Variants in CFAP61 observed in about 807,000 individuals in gnomAD.
The protein encoded by CFAP61 is cilia and flagella associated protein 61.
CFAP61 carries 107 observed loss-of-function variants against 135.6 expected under a neutral mutation model. The ratio of observed to expected loss-of-function variants is 0.79; its 90% CI spans 0.67 to 0.93. CFAP61 has a LOEUF of 0.93. Ranked by LOEUF, CFAP61 falls within the 40% of genes least tolerant of loss-of-function variation. The pLI is 0.00. For synonymous variants in CFAP61, 575 were observed against 578.5 expected (o/e 0.99, Z 0.09); for missense variants, 1,507 against 1,556.2 (o/e 0.97, Z 0.53).
At chr20:20,103,267 A>C (rs954234271) in intron 8 of CFAP61, among the ~76,000 whole-genome samples, 2 of 152,202 alleles carry the variant, frequency 1.3e-5, no homozygotes, top group Non-Finnish European at 2.9e-5. Flanking sequence ...AACTGTGTAC[A>C]ATCAATTTGT....
At chr20:20,191,787 C>T (rs200181368) in intron 15 of CFAP61, among the ~76,000 whole-genome samples, 4 of 151,042 alleles carry the variant, frequency 2.6e-5, no homozygotes, top group East Asian at 1.9e-4. Flanking sequence ...TTACATATAT[C>T]GTGTGTGTGT....
At chr20:20,097,339 A>G (rs1028632162) in intron 7 of CFAP61, among the ~76,000 whole-genome samples, 7 of 152,214 alleles carry the variant, frequency 4.6e-5, no homozygotes, top group African/African-American at 1.7e-4. Context: ...GAGCTATCAG[A>G]GTCTAATCAG....
intron 24 of CFAP61, among the ~76,000 whole-genome samples, chr20:20,295,728 T>G (rs1050707118): frequency 6.6e-6 from 1 of 152,060 alleles, no homozygotes; most frequent in African/African-American, 2.4e-5. Flanking sequence ...CAGGGGTTAT[T>G]CTGTGAGGTC....
rs149965357 is a variant in CFAP61 at position 20,086,641 on chromosome 20, G to A, written c.567-4203G>A. Reference sequence around the variant, plus strand: ...GGGCATAAAAATTCTGCCCTTCACTGCTGTCAGTGTAAATGGGACCCTTGG... The same window carrying A: ...GGGCATAAAAATTCTGCCCTTCACTACTGTCAGTGTAAATGGGACCCTTGG... On this transcript the variant is annotated intron_variant, in intron 6 of 26. Coordinates refer to ENST00000245957, the MANE Select transcript of CFAP61 (RefSeq NM_015585.4). Among the ~76,000 whole-genome samples, 824 of 152,224 alleles carry A rather than the reference G, an allele frequency of 5.4e-3. 9 individuals carry two copies. Among genetic ancestry groups the A allele is most frequent in the African/African-American group, 0.019 (780 of 41,512 alleles).
intron 7 of CFAP61, among the ~76,000 whole-genome samples, chr20:20,097,070 C>T (rs8121212): frequency 0.018 from 2,602 of 148,570 alleles, 60 homozygotes; most frequent in Middle Eastern, 0.065. Context: ...GAGACATATT[C>T]GAGAACAAAT....
chr20:20,151,785 G>T lies in CFAP61; in HGVS notation c.952-7585G>T, dbSNP rs1379464926. The stretch of plus-strand genomic sequence containing the variant: ...GTGGAGCCTGCAGTGAGCTGAGATG[G>T]CGCCACTGCACTCCTGTCTGGGCGA... On this transcript the variant is annotated intron_variant, in intron 9 of 26. Coordinates refer to ENST00000245957, the MANE Select transcript of CFAP61 (RefSeq NM_015585.4). Among the ~76,000 whole-genome samples, 17 of 125,726 alleles carry T rather than the reference G, an allele frequency of 1.4e-4. No homozygotes were observed. The Admixed American group carries it at 1.7e-3, about 13-fold the overall frequency. The allele number at this position is 125,726 out of a possible 152,430, so 82.5% of individuals were successfully genotyped here.
At chr20:20,157,853 T>C (rs563014019) in intron 9 of CFAP61, among the ~76,000 whole-genome samples, 63 of 152,032 alleles carry the variant, frequency 4.1e-4, no homozygotes, top group Non-Finnish European at 7.9e-4. Flanking sequence ...TGGGAGAAAA[T>C]ATTTGCAAAT....
intron 26 of CFAP61, among the ~76,000 whole-genome samples, chr20:20,351,077 A>G (rs546933639): frequency 7.2e-5 from 11 of 152,330 alleles, no homozygotes; most frequent in Non-Finnish European, 1.3e-4. Context: ...TGCCACTTCT[A>G]TTAAACATAG....
At chr20:20,212,282 C>G (rs62203182) in intron 17 of CFAP61, among the ~76,000 whole-genome samples, 15,667 of 152,204 alleles carry the variant, frequency 0.1, 855 homozygotes, top group Middle Eastern at 0.16. Flanking sequence ...TCATGACTCT[C>G]TCTCTCTGTC....
At chr20:20,185,509 C>T (rs572773736) in intron 13 of CFAP61, among the ~76,000 whole-genome samples, 4 of 152,260 alleles carry the variant, frequency 2.6e-5, no homozygotes, top group African/African-American at 9.6e-5. Flanking sequence ...ACAGATGAGG[C>T]CAAAGGTCTG....
chr20:20,330,057 C>T (rs977985151), intron 25 of CFAP61, among the ~76,000 whole-genome samples: 1 of 152,206 alleles, frequency 6.6e-6, no homozygotes, highest in Non-Finnish European at 1.5e-5. Flanking sequence ...ACTTTCTTCA[C>T]CTTTCTATCT....
intron 22 of CFAP61, 62 bp downstream of exon 22, chr20:20,277,520 T>G (rs555765482): frequency 1.0e-4 from 154 of 1,502,746 alleles, no homozygotes; most frequent in Admixed American, 8.3e-4. Flanking sequence ...CCAAGGGATT[T>G]GGGGGTCTGG....
chr20:20,297,103 C>T (rs1273613965), intron 24 of CFAP61, among the ~76,000 whole-genome samples: 1 of 152,138 alleles, frequency 6.6e-6, no homozygotes, highest in Admixed American at 6.6e-5. Flanking sequence ...TCCTGTATAT[C>T]TCACCTTGTA....
At chr20:20,316,335 CTGTT>C (rs1364565837) in intron 25 of CFAP61, among the ~76,000 whole-genome samples, 3 of 151,656 alleles carry the variant, frequency 2.0e-5, no homozygotes, top group African/African-American at 4.9e-5. Flanking sequence ...ATTTGGCTCT[CTGTT>C]TGTCTGTTGT....
chr20:20,262,883 CTTT>C, intron 20 of CFAP61, 70 bp from the exon 21 acceptor site: 7 of 731,410 alleles, frequency 9.6e-6, no homozygotes, highest in South Asian at 3.1e-5. Flanking sequence ...GCTATGTCTA[CTTT>C]TTTTTTTTTA....
intron 22 of CFAP61, among the ~76,000 whole-genome samples, chr20:20,285,418 C>T (rs117071971): frequency 6.6e-6 from 1 of 152,034 alleles, no homozygotes; most frequent in African/African-American, 2.4e-5. Context: ...TCCTGGGATT[C>T]CAATTACATA....
At chr20:20,295,152 T>C (rs563034603) in intron 24 of CFAP61, among the ~76,000 whole-genome samples, 9 of 152,238 alleles carry the variant, frequency 5.9e-5, no homozygotes, top group Admixed American at 2.0e-4. Context: ...ACTAAGTGAC[T>C]GTGACCCTCG....
At chr20:20,298,941 C>T (rs2055855613) in intron 25 of CFAP61, among the ~76,000 whole-genome samples, 1 of 152,178 alleles carries the variant, frequency 6.6e-6, no homozygotes, top group Non-Finnish European at 1.5e-5. Flanking sequence ...TCATCCTATC[C>T]ATTAGGAAGG....
At chr20:20,210,622 A>G (rs1462144888) in intron 17 of CFAP61, among the ~76,000 whole-genome samples, 2 of 152,238 alleles carry the variant, frequency 1.3e-5, no homozygotes, top group Non-Finnish European at 2.9e-5. Context: ...AGCGACAGAC[A>G]CATGAAACAC....
Sources: gnomAD v4.1 joint callset for allele counts (sites outside exome capture counted in the v4.1 genomes callset) on GRCh38, gnomAD v4.1.1 for gene constraint, MANE v1.5 for transcripts, NCBI Gene and HGNC (gene_info 2026-07-23, HGNC 2026-07-21) for gene names.